Variants in BLVRA observed in about 807,000 individuals in gnomAD.
The protein encoded by BLVRA is biliverdin reductase A, also known as BVR A.
Under a neutral mutation model 32.8 loss-of-function variants are expected in BLVRA, and 22 were observed. The observed-to-expected ratio is 0.67, with a 90% CI of 0.48 to 0.96. The LOEUF is 0.96. Among genes scored for constraint, BLVRA ranks in the 40% least tolerant of loss-of-function variants. The pLI is 0.00. For missense variants in BLVRA, 323 were observed against 358.1 expected (o/e 0.90, Z 0.79); for synonymous variants, 119 against 141.3 (o/e 0.84, Z 1.12).
intron 2 of BLVRA, among the ~76,000 whole-genome samples, chr7:43,784,147 T>G (rs1489321267): frequency 6.6e-6 from 1 of 152,226 alleles, no homozygotes; most frequent in Admixed American, 6.5e-5. Context: ...TTCTGCTGTC[T>G]CAAAACTGCT....
intron 7 of BLVRA, among the ~76,000 whole-genome samples, chr7:43,806,690 G>A (rs892731499): frequency 6.6e-6 from 1 of 151,784 alleles, no homozygotes; most frequent in Admixed American, 6.6e-5. Context: ...AGAGGTTGCA[G>A]TGGGTCGAGA....
At chr7:43,806,936 T>C (rs2132602214) in intron 7 of BLVRA, 41 bp from the exon 8 acceptor site, 12 of 1,611,830 alleles carry the variant, frequency 7.4e-6, no homozygotes, top group Non-Finnish European at 1.0e-5. Context: ...TGTGCTCTTG[T>C]GTAATCTCTA....
intron 1 of BLVRA, chr7:43,767,148 C>T: frequency 4.1e-6 from 2 of 486,668 alleles, no homozygotes; most frequent in East Asian, 3.5e-5. Context: ...GTTTTGCTTT[C>T]CCCAGATTAT....
At chr7:43,796,147 A>G (rs1433287649) in intron 5 of BLVRA, among the ~76,000 whole-genome samples, 1 of 151,664 alleles carries the variant, frequency 6.6e-6, no homozygotes, top group Non-Finnish European at 1.5e-5. Context: ...AGAAAAGAAA[A>G]GAAAAGAAAA....
chr7:43,776,306 G>A (rs1350360970), intron 2 of BLVRA, among the ~76,000 whole-genome samples: 1 of 152,176 alleles, frequency 6.6e-6, no homozygotes, highest in Non-Finnish European at 1.5e-5. Context: ...TCTACACACT[G>A]CTTTGAATGT....
intron 1 of BLVRA, among the ~76,000 whole-genome samples, chr7:43,762,562 C>CT (rs2095743482): frequency 7.0e-6 from 1 of 142,876 alleles, no homozygotes; most frequent in South Asian, 2.2e-4. Context: ...AACTCTAGAG[C>CT]TTTGTCAGCA....
chr7:43,769,805 C>T (rs1356441284), intron 1 of BLVRA, among the ~76,000 whole-genome samples: 3 of 152,064 alleles, frequency 2.0e-5, no homozygotes, highest in Non-Finnish European at 2.9e-5. Context: ...GACGGGGTTT[C>T]GCCATGTTAG....
intron 5 of BLVRA, among the ~76,000 whole-genome samples, chr7:43,793,860 G>T (rs1163278937): frequency 6.6e-6 from 1 of 150,956 alleles, no homozygotes; most frequent in African/African-American, 2.4e-5. Flanking sequence ...CTGACCTCGC[G>T]ATCCACCCAC....
chr7:43,769,732 C>T lies in BLVRA; in HGVS notation c.-21-1406C>T, dbSNP rs532293995. On this transcript the variant is annotated intron_variant, in intron 1 of 7. Transcript: ENST00000265523. The stretch of plus-strand genomic sequence containing the variant: ...AAGCAATTCTTCTGCCTCAGCCTCC[C>T]GAGTAGGTGGGAATTACAGGCATGC... Among the ~76,000 whole-genome samples, 130 of 152,138 alleles carry T rather than the reference C, an allele frequency of 8.5e-4. 1 individual carries two copies. The highest frequency in any genetic ancestry group is 3.4e-3 in the Middle Eastern group (1 of 292).
chr7:43,775,274 G>T (rs1343737414), intron 2 of BLVRA, among the ~76,000 whole-genome samples: 3 of 152,112 alleles, frequency 2.0e-5, no homozygotes, highest in Admixed American at 6.5e-5. Context: ...TTGGCTGTGG[G>T]TTTGTCATAG....
In BLVRA at chr7:43,807,327, G is replaced by A; in HGVS notation, c.*92G>A. On this transcript the variant is annotated 3_prime_UTR_variant, in exon 8 of 8. Transcript: ENST00000265523. ...TATCTCTATTCTTAAAATTAAACATGTTGGGGAAACAAGAATCTTATTGTT... is the reference window on the plus strand; with the variant it reads ...TATCTCTATTCTTAAAATTAAACATATTGGGGAAACAAGAATCTTATTGTT... 1 of 1,563,750 alleles carries A rather than the reference G, an allele frequency of 6.4e-7. No individual in the cohort carries two copies. Among genetic ancestry groups the A allele is most frequent in the Non-Finnish European group, 8.7e-7 (1 of 1,148,616 alleles).
chr7:43,799,417 A>G (rs973017548), intron 5 of BLVRA, among the ~76,000 whole-genome samples: 3 of 152,210 alleles, frequency 2.0e-5, no homozygotes, highest in Non-Finnish European at 4.4e-5. Context: ...AAAAATTTTT[A>G]TAGAGCGAAA....
intron 1 of BLVRA, among the ~76,000 whole-genome samples, chr7:43,762,907 G>A (rs911977729): frequency 5.3e-5 from 8 of 152,022 alleles, no homozygotes; most frequent in South Asian, 2.1e-4. Flanking sequence ...ATGAGCCACC[G>A]TGCCCGGCCC....
At position 43,807,025 on chromosome 7, in the gene BLVRA, A is replaced by G; in HGVS notation, c.681A>G (p.Arg227=). The change falls in exon 8 of 8, where the codon AGA becomes AGG. Residue 227 remains arginine (R), a synonymous_variant. Transcript: ENST00000265523. ...EEKGPGLKRN[R]YLSFHFKSGS... is the part of the protein sequence containing the mutation. ...AAGGACCTGGTCTAAAACGAAACAG[A>G]TATTTAAGCTTCCATTTCAAGTCTG... The G allele has an allele frequency of 1.2e-6, 2 of 1,614,204 alleles. No individual in the cohort carries two copies. Among genetic ancestry groups the G allele is most frequent in the Non-Finnish European group, 8.5e-7 (1 of 1,180,008 alleles).
In BLVRA at chr7:43,787,009, G is replaced by A. The variant is rs750797231; in HGVS notation, c.13-895G>A. The stretch of plus-strand genomic sequence containing the variant: ...GCTATCTTGGGTCACTGCAATCTCC[G>A]CCTCCCAGGTTCAAGCAATTCTCCT... On this transcript the variant is annotated intron_variant, in intron 2 of 7. Coordinates refer to ENST00000265523, the MANE Select transcript of BLVRA (RefSeq NM_000712.4). The surrounding 1 kb of genome is among the most constrained non-coding windows in gnomAD (Gnocchi z 4.5). 2.0e-5 allele frequency among the ~76,000 whole-genome samples: 3 copies of A among 151,810 alleles called. No homozygotes were observed. The highest frequency in any genetic ancestry group is 2.1e-4 in the South Asian group (1 of 4,812).
At chr7:43,767,433 C>A in intron 1 of BLVRA, 1 of 1,569,032 alleles carries the variant, frequency 6.4e-7, no homozygotes, top group South Asian at 1.1e-5. Context: ...TTATATTTCA[C>A]AACTAAATCT....
chr7:43,766,421 A>G (rs1256008836), intron 1 of BLVRA, among the ~76,000 whole-genome samples: 1 of 152,224 alleles, frequency 6.6e-6, no homozygotes, highest in East Asian at 1.9e-4. Context: ...GTGTTTGACC[A>G]TTTAAATAGT....
intron 1 of BLVRA, among the ~76,000 whole-genome samples, chr7:43,769,363 C>T: frequency 6.6e-6 from 1 of 152,142 alleles, no homozygotes; most frequent in East Asian, 1.9e-4. Flanking sequence ...AAAGACATCA[C>T]ACCTATACTG....
chr7:43,803,961 G>T (rs1476154676), intron 7 of BLVRA, 114 bp downstream of exon 7: 3 of 1,239,578 alleles, frequency 2.4e-6, no homozygotes, highest in African/African-American at 3.0e-5. Flanking sequence ...GCTCCAGAAG[G>T]GCTGTCTGCT....
Sources: allele counts gnomAD v4.1 joint callset (sites outside exome capture counted in the v4.1 genomes callset), GRCh38; gene constraint gnomAD v4.1.1; non-coding constraint Gnocchi (gnomAD v3.1); transcripts MANE v1.5; gene names NCBI Gene and HGNC (gene_info 2026-07-23, HGNC 2026-07-21).